The following PTPN2 variants were observed in gnomAD, a reference collection of about 807,000 sequenced individuals.
PTPN2 encodes the protein protein tyrosine phosphatase non-receptor type 2, also known as tyrosine-protein phosphatase non-receptor type 2.
PTPN2 carries 19 observed loss-of-function variants against 57.3 expected under a neutral mutation model. The observed-to-expected ratio is 0.33, with a 90% CI of 0.23 to 0.49. The LOEUF (loss-of-function observed/expected upper bound fraction) is 0.49. Among genes scored for constraint, PTPN2 ranks in the 20% least tolerant of loss-of-function variants. PTPN2 has a pLI of 0.99. For synonymous variants in PTPN2, 153 were observed against 164.9 expected (o/e 0.93, Z 0.55); for missense variants, 358 against 501.1 (o/e 0.71, Z 2.73).
intron 8 of PTPN2, 163 bp downstream of exon 8, chr18:12,801,807 G>T: frequency 1.5e-6 from 1 of 688,454 alleles, no homozygotes; most frequent in Non-Finnish European, 2.4e-6. Context: ...AGACTCAAGT[G>T]ATCTTCCCTC....
chr18:12,855,352 A>T (rs760901448), intron 2 of PTPN2, among the ~76,000 whole-genome samples: 1 of 152,052 alleles, frequency 6.6e-6, no homozygotes, highest in Non-Finnish European at 1.5e-5. Flanking sequence ...AAAAGAGAAG[A>T]AGTTATGAGA....
At position 12,849,485 on chromosome 18, in the gene PTPN2, G is replaced by A. The variant is rs143686309; in HGVS notation, c.160+9679C>T. Among the ~76,000 whole-genome samples the A allele has an allele frequency of 2.9e-3, 441 of 152,274 alleles. 5 individuals are homozygous for A. The highest frequency in any genetic ancestry group is 0.01 in the African/African-American group (422 of 41,546). On this transcript the variant is annotated intron_variant, in intron 2 of 8. Transcript: ENST00000309660. ...GAGGCAGGAGAATTGCTTGAACCCG[G>A]GAGGTGGAGGTTGCAGTGAGCCAAG...
chr18:12,803,849 G>A (rs1014201585), intron 7 of PTPN2, among the ~76,000 whole-genome samples: 7 of 152,050 alleles, frequency 4.6e-5, no homozygotes, highest in Admixed American at 6.6e-5. Context: ...AAAAACATTG[G>A]ATTTAAACTG....
chr18:12,814,952 C>T (rs531608540), intron 6 of PTPN2, among the ~76,000 whole-genome samples: 9 of 151,928 alleles, frequency 5.9e-5, no homozygotes, highest in Non-Finnish European at 8.8e-5. Context: ...GGTGTGGCGG[C>T]GCATGTCTGT....
chr18:12,869,634 C>T lies in PTPN2; in HGVS notation c.70-10380G>A, dbSNP rs572604261. On this transcript the variant is annotated intron_variant, in intron 1 of 8. Transcript: ENST00000309660. ...ACATTACATCGTTAGACCAAATTCT[C>T]CCTCGAACTGCTACGATGTAGTAGC... is the stretch of plus-strand genomic sequence containing the variant. 5.9e-5 allele frequency among the ~76,000 whole-genome samples: 9 copies of T among 152,234 alleles called. No homozygotes were observed. The East Asian group carries it at 1.4e-3, about 23-fold the overall frequency.
At chr18:12,831,943 G>A (rs934892684) in intron 3 of PTPN2, among the ~76,000 whole-genome samples, 12 of 152,148 alleles carry the variant, frequency 7.9e-5, no homozygotes, top group Non-Finnish European at 1.5e-4. Flanking sequence ...AGTTTTAAAT[G>A]AGAAGGTTAA....
chr18:12,800,794 A>G (rs931201755), intron 8 of PTPN2, among the ~76,000 whole-genome samples: 1 of 152,214 alleles, frequency 6.6e-6, no homozygotes, highest in African/African-American at 2.4e-5. Context: ...GAGATGCAGG[A>G]GAGAGGAAAG....
At chr18:12,794,536 G>C (rs774046508) in intron 8 of PTPN2, 51 bp from the exon 9 acceptor site, 3 of 1,596,968 alleles carry the variant, frequency 1.9e-6, no homozygotes, top group East Asian at 2.2e-5. Context: ...AGCAGGACTT[G>C]AGTACTCTAA....
chr18:12,870,284 C>CATATAT lies in PTPN2; in HGVS notation c.70-11031_70-11030insATATAT, dbSNP rs1167445111. On this transcript the variant is annotated intron_variant, in intron 1 of 8. Transcript: ENST00000309660. ...ATATATATATATATGTATATATATA[C>CATATAT]ATATACATATATATGTGTATATATA... is the stretch of plus-strand genomic sequence containing the variant. 2.8e-3 allele frequency among the ~76,000 whole-genome samples: 177 copies of CATATAT among 63,586 alleles called. 20 individuals carry two copies. The highest frequency in any genetic ancestry group is 7.2e-3 in the Middle Eastern group (1 of 138). 41.7% of individuals were successfully genotyped at this position (63,586 alleles called of 152,430 possible).
intron 1 of PTPN2, 106 bp from the exon 2 acceptor site, chr18:12,859,360 G>C: frequency 4.4e-6 from 3 of 689,182 alleles, no homozygotes; most frequent in Non-Finnish European, 4.9e-6. Context: ...GATATGCCAA[G>C]TACTATGGAA....
chr18:12,812,201 T>C (rs542726790), intron 7 of PTPN2, among the ~76,000 whole-genome samples: 3 of 152,280 alleles, frequency 2.0e-5, no homozygotes, highest in East Asian at 1.9e-4. Flanking sequence ...TGAAAGGCAA[T>C]TGCAAATAGC....
chr18:12,870,785 A>G (rs548504844), intron 1 of PTPN2, among the ~76,000 whole-genome samples: 18 of 152,034 alleles, frequency 1.2e-4, no homozygotes, highest in Admixed American at 2.0e-4. Flanking sequence ...CTGAGATTAC[A>G]GGAGTGAGCC....
chr18:12,798,213 T>C (rs1366490427), intron 8 of PTPN2, among the ~76,000 whole-genome samples: 1 of 152,210 alleles, frequency 6.6e-6, no homozygotes, highest in African/African-American at 2.4e-5. Context: ...ATGGAATTTA[T>C]ACATCACACA....
chr18:12,831,176 C>T (rs1320240995), intron 3 of PTPN2, 135 bp from the exon 4 acceptor site: 2 of 540,606 alleles, frequency 3.7e-6, no homozygotes, highest in Non-Finnish European at 6.9e-6. Context: ...TAAACCAAGA[C>T]TTCCAATCTA....
At chr18:12,840,875 GC>G in intron 2 of PTPN2, 2 of 1,575,860 alleles carry the variant, frequency 1.3e-6, no homozygotes, top group Non-Finnish European at 1.7e-6. Flanking sequence ...CCACTTCTGT[GC>G]CGATGCAGTC....
chr18:12,867,569 T>C (rs1312047526), intron 1 of PTPN2, among the ~76,000 whole-genome samples: 1 of 152,192 alleles, frequency 6.6e-6, no homozygotes, highest in African/African-American at 2.4e-5. Flanking sequence ...ATGTGCCAAG[T>C]CTTCATCGGA....
intron 3 of PTPN2, among the ~76,000 whole-genome samples, chr18:12,835,525 G>A (rs1422484712): frequency 1.3e-5 from 2 of 151,800 alleles, no homozygotes; most frequent in South Asian, 2.1e-4. Context: ...ATAGGTACCC[G>A]CCACCATGCC....
chr18:12,875,438 G>A (rs1222405354), intron 1 of PTPN2, among the ~76,000 whole-genome samples: 1 of 152,108 alleles, frequency 6.6e-6, no homozygotes. Context: ...CAGCTGCTAT[G>A]TCTTAAATTT....
chr18:12,829,830 C>T (rs2145368701), intron 4 of PTPN2, among the ~76,000 whole-genome samples: 2 of 152,214 alleles, frequency 1.3e-5, no homozygotes, highest in African/African-American at 4.8e-5. Context: ...CCAATAATGG[C>T]TATTAATGAA....
Sources: gnomAD v4.1 joint callset for allele counts (sites outside exome capture counted in the v4.1 genomes callset) on GRCh38, gnomAD v4.1.1 for gene constraint, MANE v1.5 for transcripts, NCBI Gene and HGNC (gene_info 2026-07-23, HGNC 2026-07-21) for gene names.